The following CCDC148 variants were observed in gnomAD, a reference collection of about 807,000 sequenced individuals.
The protein encoded by CCDC148 is coiled-coil domain-containing protein 148.
Under a neutral mutation model 85.7 loss-of-function variants are expected in CCDC148, and 89 were observed. The ratio of observed to expected loss-of-function variants is 1.04; its 90% CI spans 0.87 to 1.24. CCDC148 has a LOEUF of 1.24. Ranked by LOEUF, CCDC148 falls within the 50% of genes most tolerant of loss-of-function variation. CCDC148 has a pLI of 0.00. For missense variants in CCDC148, 692 were observed against 671.7 expected (o/e 1.03, Z -0.33); for synonymous variants, 230 against 213.9 (o/e 1.08, Z -0.66).
intron 11 of CCDC148, among the ~76,000 whole-genome samples, chr2:158,197,365 A>C (rs1253797757): frequency 1.3e-5 from 2 of 152,154 alleles, no homozygotes; most frequent in Admixed American, 1.3e-4. Context: ...AGTCAATGGA[A>C]GATGGGATGT....
rs535775223 is a variant in CCDC148 at position 158,437,831 on chromosome 2, A to G, written c.25+18584T>C. Among the ~76,000 whole-genome samples, 29 of 152,284 alleles carry G rather than the reference A, an allele frequency of 1.9e-4. No homozygotes were observed. In the South Asian group the frequency reaches 6.0e-3, roughly 32 times the overall value. The stretch of plus-strand genomic sequence containing the variant: ...AAAGCACAAGCATTCTTATGTACCA[A>G]TAACAGACAGAGAGCCAAATTATGA... On this transcript the variant is annotated intron_variant, in intron 1 of 13. Transcript: ENST00000283233.
At chr2:158,221,801 G>A (rs1415920682) in intron 10 of CCDC148, among the ~76,000 whole-genome samples, 1 of 152,120 alleles carries the variant, frequency 6.6e-6, no homozygotes, top group Non-Finnish European at 1.5e-5. Flanking sequence ...AGCCCAATGT[G>A]CAGTGATATC....
intron 2 of CCDC148, among the ~76,000 whole-genome samples, chr2:158,356,988 A>T (rs36137404): frequency 6.7e-6 from 1 of 149,968 alleles, no homozygotes; most frequent in Non-Finnish European, 1.5e-5. Flanking sequence ...AGAACAAAAA[A>T]CCAAACACTG....
At chr2:158,215,472 C>T (rs945926289) in intron 11 of CCDC148, among the ~76,000 whole-genome samples, 14 of 151,868 alleles carry the variant, frequency 9.2e-5, no homozygotes, top group Admixed American at 3.9e-4. Flanking sequence ...GGAGTCTTTT[C>T]GTAATTTGTC....
chr2:158,221,853 G>C (rs1460495795), intron 10 of CCDC148, among the ~76,000 whole-genome samples: 2 of 152,118 alleles, frequency 1.3e-5, no homozygotes, highest in Non-Finnish European at 2.9e-5. Context: ...AGAGAACAGA[G>C]ATAAAGCTAG....
At chr2:158,338,514 T>C (rs1467424615) in intron 7 of CCDC148, 15 of 448,200 alleles carry the variant, frequency 3.3e-5, no homozygotes. Context: ...TCAACATGTC[T>C]TAACCTTATA....
intron 11 of CCDC148, among the ~76,000 whole-genome samples, chr2:158,214,974 A>G (rs1222878236): frequency 6.6e-6 from 1 of 152,222 alleles, no homozygotes; most frequent in African/African-American, 2.4e-5. Flanking sequence ...ACATAAGAAT[A>G]GCTAAGATAT....
rs1173790337 is a variant in CCDC148, at chr2:158,172,010, T to C, written c.*103A>G. On this transcript the variant is annotated 3_prime_UTR_variant, in exon 14 of 14. Transcript: ENST00000283233. Reference sequence around the variant, plus strand: ...TTGTTTTAATAGATGCTATGATTTCTATGTCTGATATTTCAAACATTTTAG... The same window carrying C: ...TTGTTTTAATAGATGCTATGATTTCCATGTCTGATATTTCAAACATTTTAG... 1.1e-6 allele frequency: 1 copy of C among 894,680 alleles called. No homozygotes were observed. The allele number at this position is 894,680 out of a possible 1,614,324, so 55.4% of individuals were successfully genotyped here. A position where few individuals can be genotyped will look rare whatever the true frequency, so the allele number is the denominator to read the frequency against.
chr2:158,267,499 T>A (rs1574508749), intron 9 of CCDC148, among the ~76,000 whole-genome samples: 1 of 152,094 alleles, frequency 6.6e-6, no homozygotes, highest in African/African-American at 2.4e-5. Flanking sequence ...AAAATACAGG[T>A]TTTTAAGGGC....
chr2:158,336,792 T>C (rs1682409349), intron 7 of CCDC148, among the ~76,000 whole-genome samples: 1 of 152,140 alleles, frequency 6.6e-6, no homozygotes, highest in South Asian at 2.1e-4. Flanking sequence ...AGGATACAAA[T>C]ATAACTACTA....
intron 11 of CCDC148, among the ~76,000 whole-genome samples, chr2:158,201,183 A>G (rs1433859099): frequency 6.6e-6 from 1 of 152,108 alleles, no homozygotes; most frequent in East Asian, 1.9e-4. Context: ...TTTATATTTA[A>G]TATCACCGTT....
At chr2:158,284,769 C>T (rs1390891635) in intron 9 of CCDC148, among the ~76,000 whole-genome samples, 1 of 152,034 alleles carries the variant, frequency 6.6e-6, no homozygotes. Context: ...AACCAAAGTG[C>T]AAGGTACATG....
Position 158,329,991 on chromosome 2 carries a change from T to C in CCDC148, c.764+8735A>G, listed in dbSNP as rs555227409. ...GACTTCCTCTTTTCCTAATTGAATA[T>C]CCTTTATTTCCTTCTCCTGCCTGAT... On this transcript the variant is annotated intron_variant, in intron 7 of 13. Transcript: ENST00000283233. Among the ~76,000 whole-genome samples the C allele has an allele frequency of 2.8e-3, 430 of 152,212 alleles. 2 individuals carry two copies. The highest frequency in any genetic ancestry group is 4.5e-3 in the Non-Finnish European group (304 of 67,986).
At chr2:158,304,752 A>G (rs2105203319) in intron 9 of CCDC148, among the ~76,000 whole-genome samples, 1 of 152,306 alleles carries the variant, frequency 6.6e-6, no homozygotes, top group South Asian at 2.1e-4. Flanking sequence ...AGCAGAGGTC[A>G]CAAGGCAATA....
chr2:158,329,804 T>C (rs1692997438), intron 7 of CCDC148, among the ~76,000 whole-genome samples: 1 of 152,188 alleles, frequency 6.6e-6, no homozygotes. Flanking sequence ...GATTTGGTTC[T>C]CTGTTTGTCT....
chr2:158,426,688 T>C (rs1020702182), intron 1 of CCDC148, among the ~76,000 whole-genome samples: 3 of 152,164 alleles, frequency 2.0e-5, no homozygotes, highest in Non-Finnish European at 2.9e-5. Context: ...TGCAGAGTAG[T>C]TAATCTTGTG....
chr2:158,223,252 C>A (rs918389194), intron 10 of CCDC148, among the ~76,000 whole-genome samples: 1 of 152,158 alleles, frequency 6.6e-6, no homozygotes, highest in East Asian at 1.9e-4. Context: ...AACTGCAAGG[C>A]AGCAGCGAGG....
chr2:158,345,419 T>C (rs545636223), intron 2 of CCDC148, 101 bp from the exon 3 acceptor site: 11 of 748,134 alleles, frequency 1.5e-5, no homozygotes, highest in African/African-American at 1.3e-4. Context: ...AAATAGTTTC[T>C]CTTTTAAAAT....
chr2:158,350,908 C>A (rs1232863950), intron 2 of CCDC148, among the ~76,000 whole-genome samples: 1 of 152,026 alleles, frequency 6.6e-6, no homozygotes, highest in Admixed American at 6.6e-5. Flanking sequence ...ATTCAACAGC[C>A]TCTCTTCTGT....
Sources: gnomAD v4.1 joint callset for allele counts (sites outside exome capture counted in the v4.1 genomes callset) on GRCh38, gnomAD v4.1.1 for gene constraint, MANE v1.5 for transcripts, NCBI Gene and HGNC (gene_info 2026-07-23, HGNC 2026-07-21) for gene names.